ARHGEF28: variants seen among roughly 807,000 people sequenced by gnomAD.
The protein encoded by ARHGEF28 is 190 kDa guanine nucleotide exchange factor.
ARHGEF28 carries 152 observed loss-of-function variants against 206.6 expected under a neutral mutation model. The ratio of observed to expected loss-of-function variants is 0.74; its 90% CI spans 0.64 to 0.84. The LOEUF is 0.84. Ranked by LOEUF, ARHGEF28 falls within the 40% of genes least tolerant of loss-of-function variation. The probability of loss-of-function intolerance (pLI) is 0.00; values close to 1 mark genes in which losing one functional copy is unlikely to be tolerated. For synonymous variants in ARHGEF28, 763 were observed against 776.4 expected (o/e 0.98, Z 0.29); for missense variants, 2,028 against 2,073.2 (o/e 0.98, Z 0.42).
intron 9 of ARHGEF28, among the ~76,000 whole-genome samples, chr5:73,810,486 C>T (rs942105089): frequency 2.0e-5 from 3 of 152,032 alleles, no homozygotes; most frequent in African/African-American, 7.2e-5. Context: ...TCTATATTGC[C>T]CTGAAGTTCT....
intron 14 of ARHGEF28, among the ~76,000 whole-genome samples, chr5:73,854,326 C>G (rs1311619841): frequency 6.6e-6 from 1 of 152,162 alleles, no homozygotes; most frequent in East Asian, 1.9e-4. Flanking sequence ...AAAATGAGCT[C>G]ACTCTATACC....
rs964268463 is a variant in ARHGEF28 at position 73,848,446 on chromosome 5, G to A, written c.1636-530G>A. The stretch of plus-strand genomic sequence containing the variant: ...AATTGAGTACAGATTGGAAGGATTT[G>A]TATATTAACTGGATATATTTTTCCC... On this transcript the variant is annotated intron_variant, in intron 12 of 35. Coordinates refer to ENST00000513042, the MANE Select transcript of ARHGEF28 (RefSeq NM_001177693.2). Among the ~76,000 whole-genome samples, 222 of 152,242 alleles carry A rather than the reference G, an allele frequency of 1.5e-3. 1 individual carries two copies. Among genetic ancestry groups the A allele is most frequent in the African/African-American group, 5.2e-3 (217 of 41,554 alleles).
intron 35 of ARHGEF28, among the ~76,000 whole-genome samples, chr5:73,933,998 C>T (rs1561207666): frequency 1.3e-5 from 2 of 150,672 alleles, no homozygotes; most frequent in Non-Finnish European, 2.9e-5. Context: ...TGGTGTGTCT[C>T]TTAAGTCTCT....
chr5:73,822,766 G>A (rs1436271233), intron 9 of ARHGEF28, among the ~76,000 whole-genome samples: 1 of 152,136 alleles, frequency 6.6e-6, no homozygotes, highest in Non-Finnish European at 1.5e-5. Flanking sequence ...TGCGTATACA[G>A]ACATGCACCA....
chr5:73,753,548 A>T (rs188178004), intron 4 of ARHGEF28, among the ~76,000 whole-genome samples: 1 of 152,348 alleles, frequency 6.6e-6, no homozygotes, highest in East Asian at 1.9e-4. Context: ...ATTTCCAAAT[A>T]GGTAGGCTCA....
At chr5:73,824,656 C>G (rs1039203409) in intron 9 of ARHGEF28, among the ~76,000 whole-genome samples, 4 of 152,038 alleles carry the variant, frequency 2.6e-5, no homozygotes, top group African/African-American at 9.7e-5. Flanking sequence ...TTAATAGAGA[C>G]AGGGTTTTGC....
intron 9 of ARHGEF28, among the ~76,000 whole-genome samples, chr5:73,806,277 A>AC (rs1755433138): frequency 7.7e-6 from 1 of 129,086 alleles, no homozygotes; most frequent in African/African-American, 3.0e-5. Context: ...ATAGATATAT[A>AC]TACATAGATA....
intron 10 of ARHGEF28, among the ~76,000 whole-genome samples, chr5:73,839,162 A>G (rs751213348): frequency 6.6e-6 from 1 of 152,222 alleles, no homozygotes; most frequent in Non-Finnish European, 1.5e-5. Context: ...ATCAGAAGGC[A>G]TAGGACATCA....
chr5:73,645,067 G>A (rs1744347455), intron 1 of ARHGEF28, among the ~76,000 whole-genome samples: 1 of 152,142 alleles, frequency 6.6e-6, no homozygotes, highest in South Asian at 2.1e-4. Flanking sequence ...AATTCTGGGA[G>A]GTAGGAAGGT....
At chr5:73,770,308 C>G (rs1301172237) in intron 4 of ARHGEF28, among the ~76,000 whole-genome samples, 3 of 152,212 alleles carry the variant, frequency 2.0e-5, no homozygotes, top group Admixed American at 1.3e-4. Flanking sequence ...AAACTCCACA[C>G]TCCCTTCCTA....
At chr5:73,679,716 C>T (rs1028288541) in intron 1 of ARHGEF28, among the ~76,000 whole-genome samples, 4 of 151,370 alleles carry the variant, frequency 2.6e-5, no homozygotes, top group Non-Finnish European at 1.5e-5. Context: ...GAAAGTATTA[C>T]TTTTTTCTTG....
intron 2 of ARHGEF28, among the ~76,000 whole-genome samples, chr5:73,735,394 C>T (rs1276456362): frequency 6.6e-6 from 1 of 152,108 alleles, no homozygotes; most frequent in Non-Finnish European, 1.5e-5. Context: ...GTAGCAGAGG[C>T]AGCCAGGATT....
At chr5:73,701,823 A>G (rs554692867) in intron 2 of ARHGEF28, among the ~76,000 whole-genome samples, 9 of 152,236 alleles carry the variant, frequency 5.9e-5, no homozygotes, top group South Asian at 4.1e-4. Context: ...GTCATATTCC[A>G]TGATATAGGT....
At chr5:73,900,998 T>C (rs1301053034) in intron 30 of ARHGEF28, 186 bp from the exon 31 acceptor site, 8 of 516,410 alleles carry the variant, frequency 1.5e-5, no homozygotes, top group Non-Finnish European at 2.5e-5. Flanking sequence ...GTAAGCCCCA[T>C]GTGGGCAGGG....
At chr5:73,740,176 C>CAAAAAA (rs550677123) in intron 2 of ARHGEF28, among the ~76,000 whole-genome samples, 1 of 86,014 alleles carries the variant, frequency 1.2e-5, no homozygotes, top group Non-Finnish European at 2.3e-5. Flanking sequence ...GAACCTATCT[C>CAAAAAA]AAAAAAAAAA....
intron 22 of ARHGEF28, among the ~76,000 whole-genome samples, chr5:73,874,548 C>A (rs1760320754): frequency 1.3e-5 from 1 of 78,020 alleles, no homozygotes; most frequent in Admixed American, 1.2e-4. Context: ...TCTCCTAATG[C>A]TATCCCTCCC....
At chr5:73,695,247 T>G (rs1748117246) in intron 2 of ARHGEF28, among the ~76,000 whole-genome samples, 1 of 152,210 alleles carries the variant, frequency 6.6e-6, no homozygotes, top group Non-Finnish European at 1.5e-5. Flanking sequence ...GTTTAAAAAG[T>G]GTACTTTCAA....
chr5:73,859,870 G>A (rs779173564), intron 16 of ARHGEF28, among the ~76,000 whole-genome samples: 2 of 152,142 alleles, frequency 1.3e-5, no homozygotes, highest in African/African-American at 4.8e-5. Flanking sequence ...CTCAAGTTGG[G>A]TAATCTTCAC....
chr5:73,900,692 C>T (rs1166371740), intron 30 of ARHGEF28: 1 of 152,814 alleles, frequency 6.5e-6, no homozygotes, highest in African/African-American at 2.4e-5. Flanking sequence ...AGAAAGATGT[C>T]TCCCTCCTGC....
Sources: allele counts gnomAD v4.1 joint callset (sites outside exome capture counted in the v4.1 genomes callset), GRCh38; gene constraint gnomAD v4.1.1; transcripts MANE v1.5; gene names NCBI Gene and HGNC (gene_info 2026-07-23, HGNC 2026-07-21).